The following MEG3 variants were observed in gnomAD, a reference collection of about 807,000 sequenced individuals.
The protein encoded by MEG3 is Very putative protein from MEG3 locus.
intron 1 of MEG3, chr14:100,860,705 G>A (rs1005664767): frequency 2.2e-6 from 1 of 456,544 alleles, no homozygotes; most frequent in African/African-American, 2.0e-5. Flanking sequence ...CACAGCCACG[G>A]GGACACCCTG....
At chr14:100,841,788 C>A (rs906488267) in intron 2 of MEG3, among the ~76,000 whole-genome samples, 3 of 152,214 alleles carry the variant, frequency 2.0e-5, no homozygotes, top group Non-Finnish European at 4.4e-5. Context: ...GTCTGGAACA[C>A]CTTTTTGGTC....
rs751400788 is a variant in MEG3 at position 100,837,377 on chromosome 14, G to A, written n.3045+1077G>A. On this transcript the variant is annotated intron_variant and non_coding_transcript_variant, in intron 2 of 3. Transcript: ENST00000398461. This position sits in a 1 kb window ranked among gnomAD's most constrained non-coding sequence, Gnocchi z 5.8. ...CCCTCATATATGACGCCCCTGGGGTGGCCATTGTGGTGAATGAGTGCAGTT... is the reference window on the plus strand; with the variant it reads ...CCCTCATATATGACGCCCCTGGGGTAGCCATTGTGGTGAATGAGTGCAGTT... Among the ~76,000 whole-genome samples the A allele has an allele frequency of 1.2e-4, 18 of 152,176 alleles. No homozygotes were observed. Among genetic ancestry groups the A allele is most frequent in the Non-Finnish European group, 2.2e-4 (15 of 68,030 alleles).
upstream of MEG3, chr14:100,856,166 G>A (rs1311941372): frequency 2.0e-5 from 3 of 152,178 alleles, no homozygotes; most frequent in Non-Finnish European, 4.4e-5. Context: ...CCCGTGCAGG[G>A]GTCTGCATAG....
intron 2 of MEG3, among the ~76,000 whole-genome samples, chr14:100,842,101 G>C (rs1010918087): frequency 1.3e-5 from 2 of 152,136 alleles, no homozygotes; most frequent in African/African-American, 2.4e-5. Context: ...CAAAACCTCC[G>C]GCTGGGCCTG....
At chr14:100,827,426 G>C (rs1391675582) in intron 1 of MEG3, 3 of 152,238 alleles carry the variant, frequency 2.0e-5, no homozygotes, top group African/African-American at 7.2e-5. Flanking sequence ...GTTTACCCAA[G>C]AGGGAACAGT....
At chr14:100,846,052 C>G (rs2037908824) in intron 3 of MEG3, 1 of 152,334 alleles carries the variant, frequency 6.6e-6, no homozygotes, top group Admixed American at 6.5e-5. Context: ...AAGTTTCCGG[C>G]TAAACCTCTT....
chr14:100,849,638 T>TA (rs1269438861), intron 3 of MEG3: 1 of 151,838 alleles, frequency 6.6e-6, no homozygotes, highest in African/African-American at 2.4e-5. Context: ...GAAAAACCAA[T>TA]AAAAAAGAGA....
chr14:100,859,642 C>T (rs1257668241), exon 1 of MEG3: 1 of 150,712 alleles, frequency 6.6e-6, no homozygotes, highest in Non-Finnish European at 1.5e-5. Flanking sequence ...CAGCTTTAGA[C>T]ATCCAGAAAA....
intron 3 of MEG3, chr14:100,852,173 G>A (rs374202029): frequency 4.1e-5 from 15 of 369,946 alleles, no homozygotes; most frequent in Admixed American, 6.2e-5. Context: ...TGGGGAGTGC[G>A]GGCGCAGGCA....
rs192010262 is a variant in MEG3 at position 100,835,704 on chromosome 14, G to A, written n.2736G>A. Reference sequence around the variant, plus strand: ...TCTGAGTACCACTCCCCTGCCCCAGGAGCCACTCCCACTCCAGCTGCCTGT... The same window carrying A: ...TCTGAGTACCACTCCCCTGCCCCAGAAGCCACTCCCACTCCAGCTGCCTGT... On this transcript the variant is annotated non_coding_transcript_exon_variant, in exon 1 of 4. Transcript: ENST00000398461. 48 of 171,342 alleles carry A rather than the reference G, an allele frequency of 2.8e-4. 2 individuals are homozygous for A. The East Asian group carries it at 8.7e-3, about 31-fold the overall frequency. 10.6% of individuals were successfully genotyped at this position (171,342 alleles called of 1,614,324 possible). A position where few individuals can be genotyped will look rare whatever the true frequency, so the allele number is the denominator to read the frequency against.
At chr14:100,852,749 T>TTGCA (rs1566737987), upstream of MEG3, 1 of 228,944 alleles carries the variant, frequency 4.4e-6, no homozygotes, top group East Asian at 1.3e-4. Context: ...GGAGGGCCCA[T>TTGCA]TGCATGCACC....
intron 2 of MEG3, among the ~76,000 whole-genome samples, chr14:100,842,693 T>C (rs78573559): frequency 0.028 from 4,291 of 152,316 alleles, 127 homozygotes; most frequent in East Asian, 0.089. Flanking sequence ...GAAACAGCCA[T>C]AAGTTGTTTA....
downstream of MEG3, chr14:100,829,508 C>G (rs1276999673): frequency 1.3e-5 from 2 of 152,238 alleles, no homozygotes; most frequent in African/African-American, 4.8e-5. Flanking sequence ...CTCTGAAGAT[C>G]TTCCTATCCT....
chr14:100,826,931 AG>A (rs201156270), intron 1 of MEG3, among the ~76,000 whole-genome samples: 1,694 of 147,480 alleles, frequency 0.011, 10 homozygotes, highest in Admixed American at 0.018. Context: ...TCCTTGCCGA[AG>A]GGGGGTCGTG....
downstream of MEG3, chr14:100,830,447 T>C (rs2037367577): frequency 6.6e-6 from 1 of 151,378 alleles, no homozygotes; most frequent in African/African-American, 2.4e-5. Flanking sequence ...ACTATGAAAG[T>C]GCTTTGTAAA....
intron 1 of MEG3, among the ~76,000 whole-genome samples, chr14:100,828,244 G>C (rs2037302661): frequency 6.6e-6 from 1 of 152,028 alleles, no homozygotes; most frequent in Non-Finnish European, 1.5e-5. Flanking sequence ...CCCCCTAGCG[G>C]TGTGTGCCAG....
chr14:100,836,237 G>A (rs2037574213), exon 2 of MEG3: 1 of 456,538 alleles, frequency 2.2e-6, no homozygotes. Context: ...GGCCCTGATG[G>A]GGCCCACCAT....
At chr14:100,855,932 A>C (rs1379838026), upstream of MEG3, 1 of 152,196 alleles carries the variant, frequency 6.6e-6, no homozygotes, top group East Asian at 1.9e-4. Flanking sequence ...GGGTGCTCAG[A>C]AATCACAGCC....
upstream of MEG3, chr14:100,855,140 C>G (rs1052928094): frequency 2.6e-5 from 4 of 152,664 alleles, no homozygotes; most frequent in Non-Finnish European, 4.4e-5. Flanking sequence ...TTGCCCGTGT[C>G]AGAATCCCTC....
Sources: gnomAD v4.1 joint callset for allele counts (sites outside exome capture counted in the v4.1 genomes callset) on GRCh38, gnomAD v4.1.1 for gene constraint, Gnocchi (gnomAD v3.1) non-coding constraint, MANE v1.5 for transcripts, NCBI Gene and HGNC (gene_info 2026-07-23, HGNC 2026-07-21) for gene names.